The following MMD variants were observed in gnomAD, a reference collection of about 807,000 sequenced individuals.
MMD encodes monocyte to macrophage differentiation associated.
MMD carries 22 observed loss-of-function variants against 33.6 expected under a neutral mutation model. The ratio of observed to expected loss-of-function variants is 0.66; its 90% CI spans 0.47 to 0.94. MMD has a LOEUF of 0.94. Among genes scored for constraint, MMD ranks in the 40% least tolerant of loss-of-function variants. The pLI, the probability that MMD is intolerant of heterozygous loss-of-function variation, is 0.00. For missense variants in MMD, 242 were observed against 309.8 expected (o/e 0.78, Z 1.64); for synonymous variants, 97 against 103.2 (o/e 0.94, Z 0.36).
chr17:55,411,245 C>A lies in MMD; in HGVS notation c.269+12G>T. ...ATTTGGATCTGTTGAAACAGCATGTCATCCACTGTACCTTAAGTGGCTCTT... is the reference window on the plus strand; with the variant it reads ...ATTTGGATCTGTTGAAACAGCATGTAATCCACTGTACCTTAAGTGGCTCTT... On this transcript the variant is annotated intron_variant, in intron 3 of 6. Coordinates refer to ENST00000262065, the MANE Select transcript of MMD (RefSeq NM_012329.3). The A allele has an allele frequency of 6.2e-7, 1 of 1,608,176 alleles. No homozygotes were observed. The highest frequency in any genetic ancestry group is 1.1e-5 in the South Asian group (1 of 89,734).
intron 5 of MMD, among the ~76,000 whole-genome samples, chr17:55,403,390 A>G (rs921572410): frequency 5.9e-5 from 9 of 152,142 alleles, no homozygotes; most frequent in Admixed American, 2.0e-4. Flanking sequence ...TATTGTACTG[A>G]GCACTTAATA....
At chr17:55,398,511 G>T (rs1907209148) in intron 6 of MMD, among the ~76,000 whole-genome samples, 1 of 150,980 alleles carries the variant, frequency 6.6e-6, no homozygotes, top group Non-Finnish European at 1.5e-5. Flanking sequence ...CCAGTTTCTT[G>T]CCCATCTGGT....
chr17:55,419,410 AG>A (rs1456934559), intron 1 of MMD, among the ~76,000 whole-genome samples: 1 of 152,176 alleles, frequency 6.6e-6, no homozygotes, highest in Non-Finnish European at 1.5e-5. Flanking sequence ...TCACATCCTA[AG>A]TTTGTTAAGA....
At chr17:55,412,583 T>C (rs1345721511) in intron 2 of MMD, among the ~76,000 whole-genome samples, 1 of 152,190 alleles carries the variant, frequency 6.6e-6, no homozygotes, top group Non-Finnish European at 1.5e-5. Context: ...AGAATACAAA[T>C]GTTAGCAATT....
rs1161549900 is a variant in MMD at position 55,398,788 on chromosome 17, C to T, written c.516+2681G>A. 3.4e-4 allele frequency among the ~76,000 whole-genome samples: 52 copies of T among 152,156 alleles called. 1 individual carries two copies. Among genetic ancestry groups the T allele is most frequent in the Admixed American group, 3.4e-3 (52 of 15,266 alleles). On this transcript the variant is annotated intron_variant, in intron 6 of 6. Transcript: ENST00000262065. ...CTCTACTCCTAAGCTGTGGCCTTGG[C>T]AGGGTCAGCTGAGTGCCTGGGATGT...
rs1419344755 is a variant in MMD at position 55,393,544 on chromosome 17, A to G, written c.*790T>C. ...GAGAATGTGGCAAAGGCATAGAGAAAAAGTTGGATCTTTTGAAAAAGTTAA... is the reference window on the plus strand; with the variant it reads ...GAGAATGTGGCAAAGGCATAGAGAAGAAGTTGGATCTTTTGAAAAAGTTAA... On this transcript the variant is annotated 3_prime_UTR_variant, in exon 7 of 7. Coordinates refer to ENST00000262065, the MANE Select transcript of MMD (RefSeq NM_012329.3). The G allele has an allele frequency of 1.3e-5, 2 of 152,650 alleles. No individual in the cohort carries two copies. The highest frequency in any genetic ancestry group is 1.5e-5 in the Non-Finnish European group (1 of 68,038). The allele number at this position is 152,650 out of a possible 1,614,324, so 9.5% of individuals were successfully genotyped here.
intron 1 of MMD, among the ~76,000 whole-genome samples, chr17:55,421,283 G>C (rs748546745): frequency 6.6e-6 from 1 of 152,264 alleles, no homozygotes; most frequent in African/African-American, 2.4e-5. Context: ...AGCCAGGTCG[G>C]AGGACTCGGG....
At chr17:55,409,395 T>C (rs937006749) in intron 3 of MMD, among the ~76,000 whole-genome samples, 2 of 152,180 alleles carry the variant, frequency 1.3e-5, no homozygotes, top group African/African-American at 4.8e-5. Context: ...TTCTAGATTG[T>C]CATACGCTGT....
chr17:55,419,201 A>G (rs972945183), intron 1 of MMD, among the ~76,000 whole-genome samples: 1 of 152,262 alleles, frequency 6.6e-6, no homozygotes, highest in Non-Finnish European at 1.5e-5. Flanking sequence ...TGAGTAATAT[A>G]CAAGTGCCCA....
chr17:55,405,650 C>G (rs1482832636), intron 4 of MMD, among the ~76,000 whole-genome samples: 3 of 151,908 alleles, frequency 2.0e-5, no homozygotes, highest in Admixed American at 1.3e-4. Context: ...AAGCATTGTT[C>G]TGGGCATTTA....
At chr17:55,407,123 G>C (rs2143139570) in intron 4 of MMD, among the ~76,000 whole-genome samples, 1 of 152,070 alleles carries the variant, frequency 6.6e-6, no homozygotes, top group Non-Finnish European at 1.5e-5. Context: ...GAGGTCAGGA[G>C]TTCCTGACCA....
At position 55,414,556 on chromosome 17, in the gene MMD, T is replaced by TCACACACACA. The variant is rs58103743; in HGVS notation, c.27-334_27-325dup. 7.4e-3 allele frequency among the ~76,000 whole-genome samples: 913 copies of TCACACACACA among 122,928 alleles called. 18 individuals are homozygous for TCACACACACA. The highest frequency in any genetic ancestry group is 0.026 in the African/African-American group (816 of 31,780). 80.6% of individuals were successfully genotyped at this position (122,928 alleles called of 152,430 possible). Reference sequence around the variant, plus strand: ...TTCAACTGGAACCCTCCTCCTCCATTCACACACACACACACACACACACAC... The same window carrying TCACACACACA: ...TTCAACTGGAACCCTCCTCCTCCATTCACACACACACACACACACACACACACACACACAC... On this transcript the variant is annotated intron_variant, in intron 1 of 6. Transcript: ENST00000262065.
intron 4 of MMD, chr17:55,404,317 T>G (rs1313481937): frequency 2.1e-5 from 8 of 372,386 alleles, no homozygotes; most frequent in Non-Finnish European, 3.0e-5. Flanking sequence ...ATTGCACCAC[T>G]GCACTCCAGT....
At chr17:55,400,244 T>C (rs147605627) in intron 6 of MMD, among the ~76,000 whole-genome samples, 4 of 152,306 alleles carry the variant, frequency 2.6e-5, no homozygotes, top group Non-Finnish European at 5.9e-5. Context: ...GGAAAAAAAC[T>C]ATCACAGAAT....
At chr17:55,413,780 A>C (rs1907854829) in intron 2 of MMD, among the ~76,000 whole-genome samples, 1 of 152,214 alleles carries the variant, frequency 6.6e-6, no homozygotes, top group African/African-American at 2.4e-5. Context: ...ACAAACTGTG[A>C]ACTCTCTTTG....
chr17:55,395,510 T>G (rs1320472323), intron 6 of MMD, among the ~76,000 whole-genome samples: 1 of 152,176 alleles, frequency 6.6e-6, no homozygotes, highest in Non-Finnish European at 1.5e-5. Context: ...AAGCTCTAAC[T>G]CAGGCACCTG....
chr17:55,397,840 C>T (rs1180295560), intron 6 of MMD, among the ~76,000 whole-genome samples: 2 of 151,948 alleles, frequency 1.3e-5, no homozygotes, highest in African/African-American at 4.8e-5. Context: ...AGCACCCGGA[C>T]CCTTTCAGCA....
At chr17:55,417,903 G>C (rs1326414773) in intron 1 of MMD, among the ~76,000 whole-genome samples, 1 of 152,190 alleles carries the variant, frequency 6.6e-6, no homozygotes, top group African/African-American at 2.4e-5. Context: ...CTGTAACACA[G>C]TGTTCAGAGG....
rs1204060023 is a variant in MMD, at chr17:55,421,653, G to A, written c.26+17C>T. 6.2e-7 allele frequency: 1 copy of A among 1,600,130 alleles called. No individual in the cohort carries two copies. The highest frequency in any genetic ancestry group is 1.4e-5 in the African/African-American group (1 of 73,922). ...CTTCTGACACGGGCAGCGGGACCGGGACGCCATCCCTCTCACCGCTGGAAT... is the reference window on the plus strand; with the variant it reads ...CTTCTGACACGGGCAGCGGGACCGGAACGCCATCCCTCTCACCGCTGGAAT... On this transcript the variant is annotated intron_variant, in intron 1 of 6. Coordinates refer to ENST00000262065, the MANE Select transcript of MMD (RefSeq NM_012329.3).
Sources: allele counts gnomAD v4.1 joint callset (sites outside exome capture counted in the v4.1 genomes callset), GRCh38; gene constraint gnomAD v4.1.1; transcripts MANE v1.5; gene names NCBI Gene and HGNC (gene_info 2026-07-23, HGNC 2026-07-21).